Variants in IFITM2 observed in about 807,000 individuals in gnomAD.
IFITM2 encodes interferon induced transmembrane protein 2.
Under a neutral mutation model 5.9 loss-of-function variants are expected in IFITM2, and 3 were observed. The observed-to-expected ratio is 0.51, with a 90% CI of 0.23 to 1.32. The LOEUF (loss-of-function observed/expected upper bound fraction) is 1.32. Among genes scored for constraint, IFITM2 ranks in the 40% most tolerant of loss-of-function variants. The pLI is 0.18. For missense variants in IFITM2, 159 were observed against 175.9 expected (o/e 0.90, Z 0.54); for synonymous variants, 76 against 72.4 (o/e 1.05, Z -0.25).
Position 308,391 on chromosome 11 carries a change from A to G in IFITM2, c.199A>G (p.Met67Val), listed in dbSNP as rs536665329. 2.0e-5 allele frequency: 33 copies of G among 1,613,790 alleles called. 1 individual carries two copies. The South Asian group carries it at 2.6e-4, about 13-fold the overall frequency. ...CTGGTCCCTGTTCAACACCCTCTTC[A>G]TGAACACCTGCTGCCTGGGCTTCAT... is the stretch of plus-strand genomic sequence containing the variant. ...VVWSLFNTLF[M>V]NTCCLGFIAF... The change falls in exon 1 of 2, where the codon ATG (methionine) becomes GTG (valine). Residue 67 changes from methionine to valine, a missense_variant. Transcript: ENST00000616316.
chr11:309,097 A>T lies in IFITM2; in HGVS notation c.331A>T (p.Ile111Phe). ...CAAGTGCCTGAACATCTGGGCCCTG[A>T]TTTTGGGCATCTTCATGACCATTCT... The part of the protein sequence containing the change: ...TAKCLNIWAL[I>F]LGIFMTILLI... The change falls in exon 2 of 2, where the codon ATT becomes TTT. Residue 111 changes from isoleucine (I) to phenylalanine (F), a missense_variant. Transcript: ENST00000616316. 1 of 1,614,168 alleles carries T rather than the reference A, an allele frequency of 6.2e-7. No homozygotes were observed. The highest frequency in any genetic ancestry group is 1.3e-5 in the African/African-American group (1 of 75,042).
Position 308,352 on chromosome 11 carries a change from C to T in IFITM2, c.160C>T (p.Pro54Ser), listed in dbSNP as rs1434187301. 1.2e-6 allele frequency: 2 copies of T among 1,613,798 alleles called. No individual in the cohort carries two copies. Among genetic ancestry groups the T allele is most frequent in the Non-Finnish European group, 8.5e-7 (1 of 1,179,824 alleles). ...VIHIRSETSV[P>S]DHVVWSLFNT... ...CCACATCCGCAGCGAGACCTCCGTG[C>T]CTGACCATGTGGTCTGGTCCCTGTT... Residue 54 changes from proline to serine, a missense_variant, in exon 1 of 2, where the codon CCT (proline) becomes TCT (serine). Transcript: ENST00000616316.
Position 308,114 on chromosome 11 carries a change from CTG to C in IFITM2, c.-77_-76del. 6.4e-7 allele frequency: 1 copy of C among 1,559,094 alleles called. No individual in the cohort carries two copies. Among genetic ancestry groups the C allele is most frequent in the Non-Finnish European group, 8.7e-7 (1 of 1,143,110 alleles). On this transcript the variant is annotated 5_prime_UTR_variant, in exon 1 of 2. It removes the in-frame stop codon of an upstream open reading frame in the 5' UTR. Coordinates refer to ENST00000616316, the MANE Select transcript of IFITM2 (RefSeq NM_006435.3). ...TTTGACAAATGCCAGGAAGAGGAAACTGTTGAGAAAACGGAACTACTGGGGAA... is the reference window on the plus strand; with the variant it reads ...TTTGACAAATGCCAGGAAGAGGAAACTTGAGAAAACGGAACTACTGGGGAA...
rs1845999734 is a variant in IFITM2 at position 309,295 on chromosome 11, T to G, written c.*130T>G. The G allele has an allele frequency of 1.3e-6, 2 of 1,578,680 alleles. No individual in the cohort carries two copies. The highest frequency in any genetic ancestry group is 8.6e-7 in the Non-Finnish European group (1 of 1,161,522). On this transcript the variant is annotated 3_prime_UTR_variant, in exon 2 of 2. Transcript: ENST00000616316. ...TGACCTGTATTCCACTTACTCCACC[T>G]TCCATTCCTCGCCCTGTCCCCACAG...
rs371736596 is a variant in IFITM2, at chr11:308,242, C to T, written c.50C>T (p.Pro17Leu). 8.7e-6 allele frequency: 14 copies of T among 1,614,166 alleles called. No homozygotes were observed. The South Asian group carries it at 1.5e-4, about 18-fold the overall frequency. Residue 17 changes from proline to leucine, a missense_variant, in exon 1 of 2, where the codon CCC becomes CTC. Coordinates refer to ENST00000616316, the MANE Select transcript of IFITM2 (RefSeq NM_006435.3). ...TCTCCTGTCAACAGCGGCCAGCCTC[C>T]CAACTACGAGATGCTCAAGGAGGAG... ...TFSPVNSGQP[P>L]NYEMLKEEQE...
Position 308,175 on chromosome 11 carries a change from C to A in IFITM2, c.-18C>A. 2 of 1,608,946 alleles carry A rather than the reference C, an allele frequency of 1.2e-6. No individual in the cohort carries two copies. The highest frequency in any genetic ancestry group is 1.7e-6 in the Non-Finnish European group (2 of 1,175,738). ...CTCACTGAGAACCATCCCGGTAACC[C>A]GATCACCGCTGGTCACCATGAACCA... On this transcript the variant is annotated 5_prime_UTR_variant, in exon 1 of 2. Transcript: ENST00000616316.
chr11:308,929 G>C, intron 1 of IFITM2, 84 bp from the exon 2 acceptor site: 1 of 1,599,884 alleles, frequency 6.3e-7, no homozygotes, highest in Non-Finnish European at 8.5e-7. Context: ...CTCAGGGCAG[G>C]GAGGAGACAG....
chr11:308,222 T>A lies in IFITM2; in HGVS notation c.30T>A (p.Pro10=). The A allele has an allele frequency of 1.9e-6, 3 of 1,614,090 alleles. No individual in the cohort carries two copies. The highest frequency in any genetic ancestry group is 1.7e-6 in the Non-Finnish European group (2 of 1,180,010). MNHIVQTFS[P]VNSGQPPNYE... is the part of the protein sequence containing the mutation. ...ACCACATTGTGCAAACCTTCTCTCCTGTCAACAGCGGCCAGCCTCCCAACT... is the reference window on the plus strand; with the variant it reads ...ACCACATTGTGCAAACCTTCTCTCCAGTCAACAGCGGCCAGCCTCCCAACT... Residue 10 remains proline (P), a synonymous_variant, in exon 1 of 2, where the codon CCT becomes CCA. Coordinates refer to ENST00000616316, the MANE Select transcript of IFITM2 (RefSeq NM_006435.3).
In IFITM2 at chr11:308,327, C is replaced by T; in HGVS notation, c.135C>T (p.Ile45=). The T allele has an allele frequency of 1.2e-6, 2 of 1,613,968 alleles. No individual in the cohort carries two copies. Among genetic ancestry groups the T allele is most frequent in the Non-Finnish European group, 8.5e-7 (1 of 1,179,918 alleles). Residue 45 remains isoleucine (I), a synonymous_variant, in exon 1 of 2, where the codon ATC becomes ATT. Transcript: ENST00000616316. ...HNPAPPMSTV[I]HIRSETSVPD... The stretch of plus-strand genomic sequence containing the variant: ...CTGCTCCCCCGATGTCCACCGTGAT[C>T]CACATCCGCAGCGAGACCTCCGTGC...
In IFITM2 at chr11:308,599, CTGTG is replaced by C. The variant is rs965377464; in HGVS notation, c.246+172_246+175del. Among the ~76,000 whole-genome samples, 12 of 151,890 alleles carry C rather than the reference CTGTG, an allele frequency of 7.9e-5. No homozygotes were observed. The East Asian group carries it at 1.4e-3, about 17-fold the overall frequency. On this transcript the variant is annotated intron_variant, in intron 1 of 1. Transcript: ENST00000616316. The stretch of plus-strand genomic sequence containing the variant: ...ACGTCAGTGGCTTTGTCTGTGTGAT[CTGTG>C]TGTGTGTGTGGCTTGGGGAATCTGC...
chr11:308,392 T>C lies in IFITM2; in HGVS notation c.200T>C (p.Met67Thr), dbSNP rs1845990016. Residue 67 changes from methionine to threonine, a missense_variant, in exon 1 of 2, where the codon ATG becomes ACG. Physicochemically the swap from Met to Thr is moderately conservative, Grantham distance 81. Coordinates refer to ENST00000616316, the MANE Select transcript of IFITM2 (RefSeq NM_006435.3). ...TGGTCCCTGTTCAACACCCTCTTCA[T>C]GAACACCTGCTGCCTGGGCTTCATA... ...VVWSLFNTLF[M>T]NTCCLGFIAF... 6.2e-7 allele frequency: 1 copy of C among 1,613,874 alleles called. No individual in the cohort carries two copies. The highest frequency in any genetic ancestry group is 8.5e-7 in the Non-Finnish European group (1 of 1,179,844).
chr11:309,214 C>T lies in IFITM2; in HGVS notation c.*49C>T. 8.7e-6 allele frequency: 14 copies of T among 1,613,948 alleles called. No individual in the cohort carries two copies. The highest frequency in any genetic ancestry group is 1.2e-5 in the Non-Finnish European group (14 of 1,179,950). ...GGAGCTCTGCCCGTGACCTGTATCCCACGTACTCTATCTTCCATTCCTCGC... is the reference window on the plus strand; with the variant it reads ...GGAGCTCTGCCCGTGACCTGTATCCTACGTACTCTATCTTCCATTCCTCGC... On this transcript the variant is annotated 3_prime_UTR_variant, in exon 2 of 2. Transcript: ENST00000616316.
Position 308,180 on chromosome 11 carries a change from A to T in IFITM2, c.-13A>T, listed in dbSNP as rs10398. 9 of 1,607,652 alleles carry T rather than the reference A, an allele frequency of 5.6e-6. No individual in the cohort carries two copies. In the African/African-American group the frequency reaches 1.2e-4, roughly 22 times the overall value. On this transcript the variant is annotated 5_prime_UTR_variant, in exon 1 of 2. Transcript: ENST00000616316. ...TGAGAACCATCCCGGTAACCCGATCACCGCTGGTCACCATGAACCACATTG... is the reference window on the plus strand; with the variant it reads ...TGAGAACCATCCCGGTAACCCGATCTCCGCTGGTCACCATGAACCACATTG...
In IFITM2 at chr11:308,475, G is replaced by A. The variant is rs778705399; in HGVS notation, c.246+37G>A. 5.6e-6 allele frequency: 9 copies of A among 1,607,392 alleles called. No individual in the cohort carries two copies. The Admixed American group carries it at 1.5e-4, about 27-fold the overall frequency. On this transcript the variant is annotated intron_variant, in intron 1 of 1. Coordinates refer to ENST00000616316, the MANE Select transcript of IFITM2 (RefSeq NM_006435.3). ...CCTGGCGGAAATCCAGGGGGTGCCG[G>A]TGAGCCTGGGGCTCCACCTGCCCAC...
chr11:309,320 G>A lies in IFITM2; in HGVS notation c.*155G>A, dbSNP rs189650382. The A allele has an allele frequency of 1.0e-4, 155 of 1,542,876 alleles. No individual in the cohort carries two copies. The African/African-American group carries it at 1.9e-3, about 19-fold the overall frequency. On this transcript the variant is annotated 3_prime_UTR_variant, in exon 2 of 2. Coordinates refer to ENST00000616316, the MANE Select transcript of IFITM2 (RefSeq NM_006435.3). Reference sequence around the variant, plus strand: ...TTCCATTCCTCGCCCTGTCCCCACAGCCGAGTCCTGCATCAGCCCTTTATC... The same window carrying A: ...TTCCATTCCTCGCCCTGTCCCCACAACCGAGTCCTGCATCAGCCCTTTATC...
intron 1 of IFITM2, among the ~76,000 whole-genome samples, 161 bp downstream of exon 1, chr11:308,599 C>G (rs1372199592): frequency 3.3e-5 from 5 of 151,780 alleles, no homozygotes; most frequent in Non-Finnish European, 5.9e-5. Context: ...TCTGTGTGAT[C>G]TGTGTGTGTG....
Position 308,299 on chromosome 11 carries a change from A to T in IFITM2, c.107A>T (p.Asn36Ile), listed in dbSNP as rs1470288116. 3 of 1,611,206 alleles carry T rather than the reference A, an allele frequency of 1.9e-6. No individual in the cohort carries two copies. The African/African-American group carries it at 4.1e-5, about 22-fold the overall frequency. ...QEVAMLGVPH[N>I]PAPPMSTVIH... The stretch of plus-strand genomic sequence containing the variant: ...GTGGCTATGCTGGGGGTGCCCCACA[A>T]CCCTGCTCCCCCGATGTCCACCGTG... Residue 36 changes from asparagine (N) to isoleucine (I), a missense_variant, in exon 1 of 2, where the codon AAC becomes ATC. Physicochemically the swap from Asn to Ile is moderately radical, Grantham distance 149. Coordinates refer to ENST00000616316, the MANE Select transcript of IFITM2 (RefSeq NM_006435.3).
Position 308,996 on chromosome 11 carries a change from C to G in IFITM2, c.247-17C>G, listed in dbSNP as rs1419543534. The G allele has an allele frequency of 6.2e-7, 1 of 1,609,498 alleles. No homozygotes were observed. Among genetic ancestry groups the G allele is most frequent in the Non-Finnish European group, 8.5e-7 (1 of 1,177,474 alleles). On this transcript the variant is annotated splice_polypyrimidine_tract_variant and intron_variant, in intron 1 of 1. Coordinates refer to ENST00000616316, the MANE Select transcript of IFITM2 (RefSeq NM_006435.3). ...AGCTGGGGGATCCTGGTCCCCTCACCATCTCCTCTCCCCCAGTCTAGGGAC... is the reference window on the plus strand; with the variant it reads ...AGCTGGGGGATCCTGGTCCCCTCACGATCTCCTCTCCCCCAGTCTAGGGAC...
In IFITM2 at chr11:309,305, C is replaced by T. The variant is rs561779658; in HGVS notation, c.*140C>T. The T allele has an allele frequency of 5.0e-5, 79 of 1,565,066 alleles. 1 individual carries two copies. The East Asian group carries it at 1.7e-3, about 34-fold the overall frequency. On this transcript the variant is annotated 3_prime_UTR_variant, in exon 2 of 2. Coordinates refer to ENST00000616316, the MANE Select transcript of IFITM2 (RefSeq NM_006435.3). ...TCCACTTACTCCACCTTCCATTCCT[C>T]GCCCTGTCCCCACAGCCGAGTCCTG...
Sources: allele counts gnomAD v4.1 joint callset (sites outside exome capture counted in the v4.1 genomes callset), GRCh38; gene constraint gnomAD v4.1.1; transcripts MANE v1.5; gene names NCBI Gene and HGNC (gene_info 2026-07-23, HGNC 2026-07-21).